RACGAP1: variants seen among roughly 807,000 people sequenced by gnomAD.
RACGAP1 encodes the protein Rac GTPase activating protein 1.
A neutral mutation model predicts 78.1 loss-of-function variants in RACGAP1; 30 were observed. The ratio of observed to expected loss-of-function variants is 0.38; its 90% CI spans 0.29 to 0.52. The LOEUF (loss-of-function observed/expected upper bound fraction) is 0.52. RACGAP1 is among the 20% of genes least tolerant of loss of function. The probability of loss-of-function intolerance (pLI) is 0.82; values close to 1 mark genes in which losing one functional copy is unlikely to be tolerated. For missense variants in RACGAP1, 587 were observed against 777.1 expected, an observed-to-expected ratio of 0.76 and a Z score of 2.91; for synonymous variants, 231 against 264.8, an observed-to-expected ratio of 0.87 and a Z score of 1.24.
rs1250682089 is a variant in RACGAP1 at position 49,998,416 on chromosome 12, G to GA, written c.879+724dup. On this transcript the variant is annotated intron_variant, in intron 9 of 16. Coordinates refer to ENST00000312377, the MANE Select transcript of RACGAP1 (RefSeq NM_001319999.2). The stretch of plus-strand genomic sequence containing the variant: ...GAGACTCTGTCTCAAGAAAAAAAAA[G>GA]AAAAAAAGAAAACCTGGATGTGAAA... Among the ~76,000 whole-genome samples the GA allele has an allele frequency of 2.7e-5, 4 of 150,914 alleles. No homozygotes were observed. In the East Asian group the frequency reaches 7.8e-4, roughly 30 times the overall value.
intron 12 of RACGAP1, 85 bp downstream of exon 12, chr12:49,994,039 CTAAAAAA>C: frequency 1.6e-6 from 2 of 1,264,878 alleles, no homozygotes; most frequent in African/African-American, 1.5e-5. Context: ...GAGACTCTGT[CTAAAAAA>C]TAAAAAATAA....
chr12:50,031,518 A>G (rs966331685), intron 2 of RACGAP1, among the ~76,000 whole-genome samples: 3 of 150,066 alleles, frequency 2.0e-5, no homozygotes, highest in African/African-American at 7.3e-5. Flanking sequence ...ATCCTTTACA[A>G]GGCCCTCCTA....
At chr12:49,991,457 TTATATATA>T (rs59257280) in intron 15 of RACGAP1, among the ~76,000 whole-genome samples, 15 of 27,412 alleles carry the variant, frequency 5.5e-4, no homozygotes, top group South Asian at 1.8e-3. Context: ...ATTTAAACTA[TTATATATA>T]TATATATATA....
chr12:50,020,254 C>T (rs983593942), intron 1 of RACGAP1, among the ~76,000 whole-genome samples: 21 of 60,692 alleles, frequency 3.5e-4, no homozygotes, highest in Non-Finnish European at 1.4e-3. Context: ...CTCGGTTCAC[C>T]GCAACTTCCA....
chr12:50,010,792 C>T (rs766351334), intron 2 of RACGAP1, among the ~76,000 whole-genome samples: 5 of 151,498 alleles, frequency 3.3e-5, no homozygotes, highest in Non-Finnish European at 5.9e-5. Context: ...ATTAGCCAGG[C>T]GTGTTGGCAC....
chr12:49,996,485 A>C (rs961187990), intron 10 of RACGAP1, among the ~76,000 whole-genome samples: 1 of 151,310 alleles, frequency 6.6e-6, no homozygotes, highest in Admixed American at 6.6e-5. Flanking sequence ...CAACCAAAAA[A>C]AATTAGCCGG....
intron 12 of RACGAP1, among the ~76,000 whole-genome samples, chr12:49,992,975 A>G (rs1947996092): frequency 6.6e-6 from 1 of 152,230 alleles, no homozygotes; most frequent in Non-Finnish European, 1.5e-5. Flanking sequence ...TTAAGGGCCT[A>G]CGATGTGCCA....
Position 49,995,015 on chromosome 12 carries a change from C to T in RACGAP1, c.1045-506G>A, listed in dbSNP as rs149725842. On this transcript the variant is annotated intron_variant, in intron 10 of 16. Transcript: ENST00000312377. The stretch of plus-strand genomic sequence containing the variant: ...ACACAAACCTACCTGTAGGGGAGAA[C>T]TCCATGGTTCTATATTAGAGTACAG... Among the ~76,000 whole-genome samples, 7 of 152,200 alleles carry T rather than the reference C, an allele frequency of 4.6e-5. No homozygotes were observed. The East Asian group carries it at 9.6e-4, about 21-fold the overall frequency.
chr12:50,007,837 T>C (rs1949059635), intron 2 of RACGAP1, among the ~76,000 whole-genome samples: 1 of 151,712 alleles, frequency 6.6e-6, no homozygotes, highest in African/African-American at 2.4e-5. Flanking sequence ...ATTAAAAAAA[T>C]ATTACAATTC....
chr12:50,008,169 GAAAAAAAAAAAA>G lies in RACGAP1; in HGVS notation c.86-1545_86-1534del, dbSNP rs71441313. Among the ~76,000 whole-genome samples, 12 of 60,684 alleles carry G rather than the reference GAAAAAAAAAAAA, an allele frequency of 2.0e-4. No homozygotes were observed. In the South Asian group the frequency reaches 2.7e-3, roughly 14 times the overall value. The allele number at this position is 60,684 out of a possible 152,430, so 39.8% of individuals were successfully genotyped here. A position where few individuals can be genotyped will look rare whatever the true frequency, so the allele number is the denominator to read the frequency against. On this transcript the variant is annotated intron_variant, in intron 2 of 16. Transcript: ENST00000312377. ...TTTTGTGTGTGCAGGTGAGAAATGT[GAAAAAAAAAAAA>G]AAAAAAAAAAAAAGATATTACTTTT... is the stretch of plus-strand genomic sequence containing the variant.
intron 1 of RACGAP1, among the ~76,000 whole-genome samples, chr12:50,022,382 A>G (rs971323415): frequency 3.3e-5 from 5 of 152,214 alleles, no homozygotes; most frequent in African/African-American, 1.2e-4. Flanking sequence ...CGGCAGTTTG[A>G]GACCAGCCTG....
intron 4 of RACGAP1, 150 bp downstream of exon 4, chr12:50,005,106 C>T: frequency 1.9e-6 from 2 of 1,051,106 alleles, no homozygotes; most frequent in Admixed American, 5.1e-5. Flanking sequence ...ATCCCTGTGC[C>T]TTTATTCCCC....
intron 15 of RACGAP1, among the ~76,000 whole-genome samples, chr12:49,991,695 G>A (rs1315930820): frequency 6.6e-6 from 1 of 150,630 alleles, no homozygotes; most frequent in Non-Finnish European, 1.5e-5. Context: ...CACCATGTTG[G>A]CCAGAATGGT....
intron 10 of RACGAP1, among the ~76,000 whole-genome samples, chr12:49,995,404 C>T (rs1209140820): frequency 6.6e-6 from 1 of 151,920 alleles, no homozygotes; most frequent in Non-Finnish European, 1.5e-5. Flanking sequence ...TGGATAAGAA[C>T]TTGTAAGATC....
At chr12:50,016,944 G>C (rs1949717077) in intron 1 of RACGAP1, 2 of 1,299,376 alleles carry the variant, frequency 1.5e-6, no homozygotes, top group South Asian at 4.5e-5. Flanking sequence ...TCAGACCTTT[G>C]AATATAACAG....
In RACGAP1 at chr12:50,013,899, C is replaced by T. The variant is rs553770729; in HGVS notation, c.85+2732G>A. Among the ~76,000 whole-genome samples the T allele has an allele frequency of 2.0e-5, 3 of 152,262 alleles. No individual in the cohort carries two copies. The South Asian group carries it at 6.2e-4, about 32-fold the overall frequency. ...ATCTGAGTTTTAATATCTCTTATTC[C>T]CTACTCTAGTCCCCACCACACTCTG... On this transcript the variant is annotated intron_variant, in intron 2 of 16. Transcript: ENST00000312377.
chr12:50,009,801 T>C (rs559028191), intron 2 of RACGAP1, among the ~76,000 whole-genome samples: 11 of 152,212 alleles, frequency 7.2e-5, no homozygotes, highest in Non-Finnish European at 1.3e-4. Flanking sequence ...GCCTTCTCAC[T>C]TGTGACCAAG....
chr12:49,996,912 C>A (rs942172175), intron 10 of RACGAP1, 128 bp downstream of exon 10: 1 of 1,332,048 alleles, frequency 7.5e-7, no homozygotes, highest in Non-Finnish European at 9.7e-7. Flanking sequence ...AAGTATCTTA[C>A]AATTCTAGTC....
rs779074404 is a variant in RACGAP1 at position 50,002,304 on chromosome 12, T to A, written c.496-4A>T. 7.9e-5 allele frequency: 128 copies of A among 1,612,646 alleles called. No individual in the cohort carries two copies. The highest frequency in any genetic ancestry group is 1.7e-4 in the Middle Eastern group (1 of 6,054). ...TCACCAAAGAAGAGTCCCAATCCTGTTGACAATTACACTGTATTAATTTCT... is the reference window on the plus strand; with the variant it reads ...TCACCAAAGAAGAGTCCCAATCCTGATGACAATTACACTGTATTAATTTCT... On this transcript the variant is annotated splice_polypyrimidine_tract_variant and splice_region_variant and intron_variant, in intron 5 of 16. Coordinates refer to ENST00000312377, the MANE Select transcript of RACGAP1 (RefSeq NM_001319999.2).
Sources: gnomAD v4.1 joint callset for allele counts (sites outside exome capture counted in the v4.1 genomes callset) on GRCh38, gnomAD v4.1.1 for gene constraint, MANE v1.5 for transcripts, NCBI Gene and HGNC (gene_info 2026-07-23, HGNC 2026-07-21) for gene names.